The following OTOGL variants were observed in gnomAD, a reference collection of about 807,000 sequenced individuals.
OTOGL encodes otogelin like, also known as otogelin-like protein.
In OTOGL, 285 loss-of-function variants were observed where a neutral mutation model predicts 318.5. That is an observed-to-expected ratio of 0.89 (90% CI 0.81 to 0.99). The LOEUF is 0.99. Among genes scored for constraint, OTOGL ranks in the 50% least tolerant of loss-of-function variants. The pLI is 0.00. For missense variants in OTOGL, 2,899 were observed against 2,845.6 expected (o/e 1.02, Z -0.43); for synonymous variants, 987 against 936.5 (o/e 1.05, Z -0.99).
At chr12:80,137,070 A>G (rs762050357) in intron 1 of OTOGL, among the ~76,000 whole-genome samples, 10 of 152,196 alleles carry the variant, frequency 6.6e-5, no homozygotes, top group South Asian at 6.2e-4. Context: ...ACGAGATTTT[A>G]CTAATGTAGA....
chr12:80,116,205 C>T (rs1417282605), intron 1 of OTOGL, among the ~76,000 whole-genome samples: 1 of 152,180 alleles, frequency 6.6e-6, no homozygotes, highest in Non-Finnish European at 1.5e-5. Context: ...ATCTCCTGGT[C>T]TGTGGGTTAC....
At chr12:80,338,277 T>A (rs796548741) in intron 42 of OTOGL, among the ~76,000 whole-genome samples, 4 of 152,078 alleles carry the variant, frequency 2.6e-5, no homozygotes, top group African/African-American at 9.6e-5. Flanking sequence ...ATCAAACAGG[T>A]CTTTTCTGGG....
At chr12:80,186,229 G>C (rs1406203406) in intron 1 of OTOGL, among the ~76,000 whole-genome samples, 2 of 151,998 alleles carry the variant, frequency 1.3e-5, no homozygotes, top group African/African-American at 2.4e-5. Context: ...TTGGTTAAAG[G>C]CTCTACCATA....
intron 52 of OTOGL, among the ~76,000 whole-genome samples, chr12:80,363,397 G>T (rs1452415573): frequency 2.0e-5 from 3 of 152,096 alleles, no homozygotes; most frequent in Non-Finnish European, 4.4e-5. Flanking sequence ...ACATTAGAGG[G>T]CAGGAGATCA....
At chr12:80,118,552 G>T (rs1432469656) in intron 1 of OTOGL, among the ~76,000 whole-genome samples, 1 of 152,138 alleles carries the variant, frequency 6.6e-6, no homozygotes, top group Non-Finnish European at 1.5e-5. Context: ...GTAAACAAGA[G>T]CTCAATCAGT....
chr12:80,166,215 C>T (rs568995745), intron 1 of OTOGL, among the ~76,000 whole-genome samples: 1 of 151,582 alleles, frequency 6.6e-6, no homozygotes, highest in South Asian at 2.1e-4. Flanking sequence ...CTCTCTCCCT[C>T]CTTTCCTCCC....
At chr12:80,228,389 C>T (rs1363659411) in intron 7 of OTOGL, among the ~76,000 whole-genome samples, 1 of 152,108 alleles carries the variant, frequency 6.6e-6, no homozygotes, top group East Asian at 1.9e-4. Context: ...TTTCAGGGAG[C>T]TGCAATCACA....
At chr12:80,309,701 GTTCC>G (rs1886502179) in intron 29 of OTOGL, among the ~76,000 whole-genome samples, 1 of 152,176 alleles carries the variant, frequency 6.6e-6, no homozygotes, top group East Asian at 1.9e-4. Context: ...GGATACTGGT[GTTCC>G]TTCCTGAGGC....
rs148296788 is a variant in OTOGL, at chr12:80,349,937, T to G, written c.5266-2358T>G. Among the ~76,000 whole-genome samples the G allele has an allele frequency of 1.8e-3, 269 of 152,346 alleles. 1 individual carries two copies. The highest frequency in any genetic ancestry group is 6.8e-3 in the Middle Eastern group (2 of 294). On this transcript the variant is annotated intron_variant, in intron 44 of 58. Transcript: ENST00000547103. ...CCTCATGTGATTATCACTTGTGTGA[T>G]GATAACACTTTACATCCACTCTCAG...
intron 55 of OTOGL, among the ~76,000 whole-genome samples, chr12:80,368,758 G>A (rs1890704525): frequency 6.6e-6 from 1 of 151,456 alleles, no homozygotes; most frequent in African/African-American, 2.4e-5. Flanking sequence ...AAAATAGTCA[G>A]GTTCATCAGA....
chr12:80,172,664 G>A (rs2137220878), intron 1 of OTOGL, among the ~76,000 whole-genome samples: 1 of 151,970 alleles, frequency 6.6e-6, no homozygotes, highest in Non-Finnish European at 1.5e-5. Flanking sequence ...TCTGGATAAA[G>A]AAAATGTGGT....
intron 1 of OTOGL, among the ~76,000 whole-genome samples, chr12:80,171,547 A>G (rs1874206271): frequency 6.6e-6 from 1 of 152,204 alleles, no homozygotes; most frequent in African/African-American, 2.4e-5. Flanking sequence ...TCTTTTCACT[A>G]ATACCATACT....
intron 23 of OTOGL, 102 bp from the exon 24 acceptor site, chr12:80,271,546 C>T (rs1386844122): frequency 7.0e-6 from 8 of 1,150,396 alleles, no homozygotes; most frequent in Non-Finnish European, 8.4e-6. Flanking sequence ...TTCTCAAACT[C>T]AAAATAGGTT....
intron 43 of OTOGL, 90 bp from the exon 44 acceptor site, chr12:80,341,858 T>C: frequency 2.3e-6 from 2 of 866,148 alleles, no homozygotes; most frequent in Non-Finnish European, 3.5e-6. Flanking sequence ...AAATCATTTG[T>C]TCATTTAAAA....
In OTOGL at chr12:80,253,317, G is replaced by A. The variant is rs1881737957; in HGVS notation, c.1286-149G>A. The stretch of plus-strand genomic sequence containing the variant: ...AAGGTAGCTACTGCCTGAGAGTCAG[G>A]TTGTCAGTAATCCCACTGAAAGTAA... On this transcript the variant is annotated intron_variant, in intron 13 of 58. Coordinates refer to ENST00000547103, the MANE Select transcript of OTOGL (RefSeq NM_001378609.3). 7.5e-6 allele frequency: 5 copies of A among 664,782 alleles called. No homozygotes were observed. In the Admixed American group the frequency reaches 1.4e-4, roughly 18 times the overall value. 41.2% of individuals were successfully genotyped at this position (664,782 alleles called of 1,614,324 possible). A position where few individuals can be genotyped will look rare whatever the true frequency, so the allele number is the denominator to read the frequency against.
In OTOGL at chr12:80,355,926, C is replaced by T; in HGVS notation, c.5784C>T (p.Thr1928=). The change falls in exon 47 of 59, where the codon ACC becomes ACT. Residue 1928 remains threonine (T), a synonymous_variant. Transcript: ENST00000547103. ...EVVMGIIDKW[T]CCSKEVCGCD... Reference sequence around the variant, plus strand: ...TCATGGGCATCATTGATAAATGGACCTGCTGTTCAAAGGAAGTTTGTGGTA... The same window carrying T: ...TCATGGGCATCATTGATAAATGGACTTGCTGTTCAAAGGAAGTTTGTGGTA... 6.2e-7 allele frequency: 1 copy of T among 1,613,822 alleles called. No homozygotes were observed. Among genetic ancestry groups the T allele is most frequent in the Non-Finnish European group, 8.5e-7 (1 of 1,179,804 alleles).
At chr12:80,152,873 T>A (rs867704431) in intron 1 of OTOGL, among the ~76,000 whole-genome samples, 18 of 152,246 alleles carry the variant, frequency 1.2e-4, no homozygotes, top group African/African-American at 4.1e-4. Flanking sequence ...TTTGTATTTT[T>A]AGTAGAGACA....
chr12:80,222,629 T>C (rs1878459248), intron 7 of OTOGL, among the ~76,000 whole-genome samples: 1 of 152,178 alleles, frequency 6.6e-6, no homozygotes, highest in South Asian at 2.1e-4. Context: ...TTGATTCAAA[T>C]GAATTCTTAG....
intron 20 of OTOGL, chr12:80,265,556 G>A (rs555199531): frequency 4.7e-5 from 11 of 234,346 alleles, no homozygotes; most frequent in Non-Finnish European, 5.2e-5. Context: ...ATACAGTGAC[G>A]CAGTTGATTT....
Sources: gnomAD v4.1 joint callset for allele counts (sites outside exome capture counted in the v4.1 genomes callset) on GRCh38, gnomAD v4.1.1 for gene constraint, MANE v1.5 for transcripts, NCBI Gene and HGNC (gene_info 2026-07-23, HGNC 2026-07-21) for gene names.